Variants in DIAPH3 observed in about 807,000 individuals in gnomAD.
DIAPH3 encodes protein diaphanous homolog 3.
A neutral mutation model predicts 144.3 loss-of-function variants in DIAPH3; 117 were observed. That is an observed-to-expected ratio of 0.81 (90% CI 0.70 to 0.95). The LOEUF (loss-of-function observed/expected upper bound fraction) is 0.95. Among genes scored for constraint, DIAPH3 ranks in the 40% least tolerant of loss-of-function variants. DIAPH3 has a pLI of 0.00. For missense variants in DIAPH3, 1,421 were observed against 1,412.7 expected (o/e 1.01, Z -0.09); for synonymous variants, 519 against 488.9 (o/e 1.06, Z -0.81).
chr13:60,092,282 T>A (rs2057962436), intron 4 of DIAPH3, among the ~76,000 whole-genome samples: 1 of 152,054 alleles, frequency 6.6e-6, no homozygotes, highest in Admixed American at 6.6e-5. Flanking sequence ...CAATTTGTGA[T>A]ATATAAGTAT....
At chr13:60,143,904 A>C (rs1594772523) in intron 1 of DIAPH3, among the ~76,000 whole-genome samples, 1 of 152,206 alleles carries the variant, frequency 6.6e-6, no homozygotes, top group South Asian at 2.1e-4. Flanking sequence ...ATCAGATGTG[A>C]GGTAAACAGA....
intron 22 of DIAPH3, among the ~76,000 whole-genome samples, chr13:59,845,015 C>CT (rs374108707): frequency 6.1e-5 from 9 of 148,464 alleles, no homozygotes; most frequent in South Asian, 4.3e-4. Flanking sequence ...TTTTCTTTCT[C>CT]TTTTTTTTTG....
intron 27 of DIAPH3, among the ~76,000 whole-genome samples, chr13:59,723,696 C>A (rs932683526): frequency 2.0e-5 from 3 of 151,730 alleles, no homozygotes; most frequent in African/African-American, 7.3e-5. Flanking sequence ...CTGCAATCTC[C>A]GCCTCCTGGG....
intron 7 of DIAPH3, chr13:60,012,885 A>T (rs1488774947): frequency 1.6e-6 from 1 of 615,524 alleles, no homozygotes; most frequent in Non-Finnish European, 2.0e-6. Flanking sequence ...TTGGTAATGC[A>T]AAAATGTGTC....
intron 27 of DIAPH3, among the ~76,000 whole-genome samples, chr13:59,697,576 T>C (rs1370228058): frequency 6.6e-6 from 1 of 150,582 alleles, no homozygotes; most frequent in Non-Finnish European, 1.5e-5. Flanking sequence ...AAATACACTC[T>C]ATGTGGATGG....
At chr13:59,846,316 A>G (rs1855700488) in intron 22 of DIAPH3, among the ~76,000 whole-genome samples, 1 of 152,080 alleles carries the variant, frequency 6.6e-6, no homozygotes. Context: ...AAAATGCCAC[A>G]CTCACTCTTA....
intron 21 of DIAPH3, among the ~76,000 whole-genome samples, chr13:59,862,639 G>A (rs112428741): frequency 1.3e-5 from 2 of 152,134 alleles, no homozygotes; most frequent in Non-Finnish European, 2.9e-5. Flanking sequence ...TAAATTTGAA[G>A]CTTTTCAGTA....
At chr13:60,109,096 T>C (rs1016564550) in intron 3 of DIAPH3, among the ~76,000 whole-genome samples, 6 of 152,100 alleles carry the variant, frequency 3.9e-5, no homozygotes, top group Admixed American at 6.5e-5. Context: ...AAGATAAGAC[T>C]GACAGGCAGA....
At chr13:60,127,643 A>T (rs2059022901) in intron 2 of DIAPH3, among the ~76,000 whole-genome samples, 1 of 152,226 alleles carries the variant, frequency 6.6e-6, no homozygotes. Flanking sequence ...CAAAGGCAAC[A>T]CACTTTGTGA....
chr13:60,045,304 T>C (rs1348154064), intron 4 of DIAPH3, among the ~76,000 whole-genome samples: 1 of 151,770 alleles, frequency 6.6e-6, no homozygotes, highest in Non-Finnish European at 1.5e-5. Context: ...CATGCCATTT[T>C]ACTCCAGCCT....
chr13:59,921,617 G>A (rs1218004870), intron 18 of DIAPH3, among the ~76,000 whole-genome samples: 2 of 151,736 alleles, frequency 1.3e-5, no homozygotes, highest in African/African-American at 4.8e-5. Flanking sequence ...AAAAGCTGAG[G>A]ATCTAATACA....
At chr13:60,096,747 G>C (rs1476600868) in intron 3 of DIAPH3, among the ~76,000 whole-genome samples, 1 of 152,148 alleles carries the variant, frequency 6.6e-6, no homozygotes, top group East Asian at 1.9e-4. Flanking sequence ...AGAACTCCAG[G>C]TTCTTCAAGC....
At chr13:60,081,072 G>A (rs1170552841) in intron 4 of DIAPH3, among the ~76,000 whole-genome samples, 2 of 151,884 alleles carry the variant, frequency 1.3e-5, no homozygotes, top group African/African-American at 4.8e-5. Context: ...TGCTTGAAGT[G>A]ATTTCCTGCT....
intron 24 of DIAPH3, 44 bp downstream of exon 24, chr13:59,833,063 G>A (rs1056118228): frequency 1.3e-5 from 18 of 1,432,260 alleles, no homozygotes; most frequent in East Asian, 9.9e-5. Context: ...AGATAAGATA[G>A]TATAAATAAA....
intron 21 of DIAPH3, among the ~76,000 whole-genome samples, chr13:59,864,366 C>T (rs11844009): frequency 0.014 from 2,076 of 152,094 alleles, 62 homozygotes; most frequent in East Asian, 0.098. Context: ...TCTCACCCAC[C>T]CTCATTTACA....
At chr13:60,145,408 G>C (rs576246230) in intron 1 of DIAPH3, among the ~76,000 whole-genome samples, 2 of 152,332 alleles carry the variant, frequency 1.3e-5, no homozygotes, top group South Asian at 4.1e-4. Context: ...TCCCAGCAGG[G>C]AGGCTGAGGC....
chr13:59,824,768 T>C (rs541867335), intron 24 of DIAPH3, among the ~76,000 whole-genome samples: 265 of 152,296 alleles, frequency 1.7e-3, no homozygotes, highest in African/African-American at 6.1e-3. Flanking sequence ...TAATAATCTT[T>C]TTTAAGGCAG....
chr13:59,767,541 G>A (rs1374512230), intron 27 of DIAPH3, among the ~76,000 whole-genome samples: 3 of 151,716 alleles, frequency 2.0e-5, no homozygotes, highest in African/African-American at 2.4e-5. Flanking sequence ...AGAGTTCAAG[G>A]AGCTTCTAAA....
chr13:60,008,501 A>G (rs2053034950), intron 9 of DIAPH3, 43 bp downstream of exon 9: 2 of 1,285,172 alleles, frequency 1.6e-6, no homozygotes. Context: ...TAAAAGTAAT[A>G]TATGCCATTT....
Sources: allele counts gnomAD v4.1 joint callset (sites outside exome capture counted in the v4.1 genomes callset), GRCh38; gene constraint gnomAD v4.1.1; transcripts MANE v1.5; gene names NCBI Gene and HGNC (gene_info 2026-07-23, HGNC 2026-07-21).